The following MAGI1 variants were observed in gnomAD, a reference collection of about 807,000 sequenced individuals.
MAGI1 encodes membrane associated guanylate kinase, WW and PDZ domain containing 1.
MAGI1 carries 58 observed loss-of-function variants against 139.9 expected under a neutral mutation model. That is an observed-to-expected ratio of 0.41 (90% CI 0.34 to 0.52). The LOEUF (loss-of-function observed/expected upper bound fraction) is 0.52. Ranked by LOEUF, MAGI1 falls within the 20% of genes least tolerant of loss-of-function variation. MAGI1 has a pLI of 0.12. For missense variants in MAGI1, 1,874 were observed against 1,901.6 expected (o/e 0.99, Z 0.27); for synonymous variants, 812 against 737.9 (o/e 1.10, Z -1.63).
rs1253285773 is a variant in MAGI1 at position 65,496,628 on chromosome 3, T to C, written c.431-2997A>G. 4.6e-5 allele frequency among the ~76,000 whole-genome samples: 7 copies of C among 152,142 alleles called. No homozygotes were observed. In the East Asian group the frequency reaches 1.4e-3, roughly 30 times the overall value. The stretch of plus-strand genomic sequence containing the variant: ...TTAAGCGCCACATGCATTAGCTATT[T>C]ATCCTGATGCTCTCCATGCCACCCA... On this transcript the variant is annotated intron_variant, in intron 2 of 22. Transcript: ENST00000402939.
chr3:65,749,650 C>T (rs1391522129), intron 1 of MAGI1, among the ~76,000 whole-genome samples: 1 of 150,372 alleles, frequency 6.7e-6, no homozygotes, highest in Admixed American at 6.6e-5. Flanking sequence ...CAAATACCAT[C>T]TGTTCCCCCA....
In MAGI1 at chr3:66,021,201, A is replaced by T. The variant is rs190004466; in HGVS notation, c.313+16795T>A. On this transcript the variant is annotated intron_variant, in intron 1 of 22. Coordinates refer to ENST00000402939, the MANE Select transcript of MAGI1 (RefSeq NM_001033057.2). ...ATGTAAAATTCAGTTCCTCAGCCAC[A>T]TTACAGGTACACAATTGCCACATGT... is the stretch of plus-strand genomic sequence containing the variant. Among the ~76,000 whole-genome samples the T allele has an allele frequency of 2.6e-3, 390 of 152,336 alleles. 8 individuals are homozygous for T. The highest frequency in any genetic ancestry group is 3.6e-3 in the African/African-American group (151 of 41,580).
At chr3:65,981,415 T>C (rs2065574585) in intron 1 of MAGI1, among the ~76,000 whole-genome samples, 1 of 152,240 alleles carries the variant, frequency 6.6e-6, no homozygotes, top group African/African-American at 2.4e-5. Flanking sequence ...TTATGCTGAC[T>C]TCAGATTCTG....
intron 5 of MAGI1, 65 bp from the exon 6 acceptor site, chr3:65,453,405 T>A (rs1351413776): frequency 8.4e-6 from 10 of 1,196,298 alleles, no homozygotes; most frequent in Non-Finnish European, 1.2e-5. Flanking sequence ...AGAAGCCCAA[T>A]GACGGAATTA....
intron 1 of MAGI1, among the ~76,000 whole-genome samples, chr3:65,987,255 A>G (rs62243801): frequency 0.14 from 21,561 of 152,028 alleles, 1,597 homozygotes; most frequent in East Asian, 0.25. Flanking sequence ...AAGAGCTTGA[A>G]CTCTGCTATT....
Position 66,032,149 on chromosome 3 carries a change from T to C in MAGI1, c.313+5847A>G, listed in dbSNP as rs2068636972. On this transcript the variant is annotated intron_variant, in intron 1 of 22. Coordinates refer to ENST00000402939, the MANE Select transcript of MAGI1 (RefSeq NM_001033057.2). ...GATGTTGCAAGTGGCCTAGTTGCAC[T>C]TACCTTCCGAAACAATGGAATAGTC... Among the ~76,000 whole-genome samples the C allele has an allele frequency of 2.0e-5, 3 of 152,134 alleles. No homozygotes were observed. The South Asian group carries it at 6.2e-4, about 32-fold the overall frequency.
At chr3:65,812,336 G>T (rs1165814835) in intron 1 of MAGI1, among the ~76,000 whole-genome samples, 1 of 151,994 alleles carries the variant, frequency 6.6e-6, no homozygotes, top group Non-Finnish European at 1.5e-5. Flanking sequence ...CTGGCCCAGT[G>T]CTCCCCAGCA....
At chr3:65,595,784 G>A (rs1332163481) in intron 2 of MAGI1, among the ~76,000 whole-genome samples, 3 of 111,820 alleles carry the variant, frequency 2.7e-5, no homozygotes, top group African/African-American at 1.0e-4. Flanking sequence ...AAGCAAATGG[G>A]TAAGCTTCCG....
chr3:65,623,158 T>C (rs2083775284), intron 1 of MAGI1, among the ~76,000 whole-genome samples: 1 of 152,168 alleles, frequency 6.6e-6, no homozygotes, highest in South Asian at 2.1e-4. Flanking sequence ...TAAGTAGACT[T>C]CACTCTTCAT....
intron 2 of MAGI1, among the ~76,000 whole-genome samples, chr3:65,555,311 T>C (rs1181162347): frequency 6.6e-6 from 1 of 152,162 alleles, no homozygotes; most frequent in East Asian, 1.9e-4. Context: ...CGGATTCCTT[T>C]CTGCCTCAGA....
chr3:65,436,579 T>A (rs1947870891), intron 10 of MAGI1, among the ~76,000 whole-genome samples: 1 of 152,164 alleles, frequency 6.6e-6, no homozygotes, highest in Non-Finnish European at 1.5e-5. Flanking sequence ...ATCAAACCAT[T>A]TTCATTTATA....
At chr3:65,784,691 C>T (rs776476620) in intron 1 of MAGI1, among the ~76,000 whole-genome samples, 1 of 151,094 alleles carries the variant, frequency 6.6e-6, no homozygotes, top group Non-Finnish European at 1.5e-5. Context: ...GGCGACAGAG[C>T]GAGACTCCGT....
intron 1 of MAGI1, among the ~76,000 whole-genome samples, chr3:65,763,978 G>A (rs567816078): frequency 1.3e-5 from 2 of 150,676 alleles, no homozygotes; most frequent in South Asian, 2.1e-4. Context: ...AGGCTGAGGT[G>A]AGAGGATCAC....
intron 1 of MAGI1, among the ~76,000 whole-genome samples, chr3:65,723,855 G>C (rs1441146679): frequency 2.0e-5 from 3 of 152,218 alleles, no homozygotes; most frequent in Non-Finnish European, 4.4e-5. Context: ...AGAGCCTCAA[G>C]TATTTAATCT....
chr3:65,859,337 C>A (rs947103186), intron 1 of MAGI1, among the ~76,000 whole-genome samples: 1 of 151,876 alleles, frequency 6.6e-6, no homozygotes, highest in African/African-American at 2.4e-5. Flanking sequence ...ATTGTTTTAG[C>A]TAAGCACCTG....
chr3:65,920,694 TC>T (rs1165083620), intron 1 of MAGI1, among the ~76,000 whole-genome samples: 3 of 152,104 alleles, frequency 2.0e-5, no homozygotes, highest in Non-Finnish European at 4.4e-5. Flanking sequence ...TGAATTACCC[TC>T]CCCCCATGGG....
chr3:65,882,032 A>T lies in MAGI1; in HGVS notation c.313+155964T>A, dbSNP rs78400510. Among the ~76,000 whole-genome samples, 837 of 152,348 alleles carry T rather than the reference A, an allele frequency of 5.5e-3. 11 individuals carry two copies. Among genetic ancestry groups the T allele is most frequent in the African/African-American group, 0.019 (779 of 41,580 alleles). ...TAGGAAACTCCTGACTTCCCCTCTG[A>T]GGTTTGCCAACAGGGAGAAATGCAT... On this transcript the variant is annotated intron_variant, in intron 1 of 22. Coordinates refer to ENST00000402939, the MANE Select transcript of MAGI1 (RefSeq NM_001033057.2).
intron 1 of MAGI1, among the ~76,000 whole-genome samples, chr3:65,667,117 A>C (rs939311051): frequency 6.6e-6 from 1 of 152,214 alleles, no homozygotes; most frequent in African/African-American, 2.4e-5. Flanking sequence ...AAGGTGTTCA[A>C]ATTATAGACA....
intron 2 of MAGI1, among the ~76,000 whole-genome samples, chr3:65,508,289 A>AGCTAGTCCAGAG (rs2077390432): frequency 6.6e-6 from 1 of 152,032 alleles, no homozygotes; most frequent in African/African-American, 2.4e-5. Flanking sequence ...CTGTAGTCCC[A>AGCTAGTCCAGAG]GCTAGTCCAG....
Sources: gnomAD v4.1 joint callset for allele counts (sites outside exome capture counted in the v4.1 genomes callset) on GRCh38, gnomAD v4.1.1 for gene constraint, MANE v1.5 for transcripts, NCBI Gene and HGNC (gene_info 2026-07-23, HGNC 2026-07-21) for gene names.